The following APBB1 variants were observed in gnomAD, a reference collection of about 807,000 sequenced individuals.
APBB1 encodes adaptor protein FE65a2.
In APBB1, 22 loss-of-function variants were observed where a neutral mutation model predicts 78.4. The observed-to-expected ratio is 0.28, with a 90% confidence interval of 0.20 to 0.40. The LOEUF (loss-of-function observed/expected upper bound fraction) is 0.40, where lower values mean the gene tolerates loss of function less well. Ranked by LOEUF, APBB1 falls within the 10% of genes least tolerant of loss-of-function variation. The pLI, the probability that APBB1 is intolerant of heterozygous loss-of-function variation, is 1.00. For synonymous variants in APBB1, 369 were observed against 372.7 expected, an observed-to-expected ratio of 0.99 and a Z score of 0.12; for missense variants, 749 against 932.4, an observed-to-expected ratio of 0.80 and a Z score of 2.56.
At chr11:6,417,362 G>A (rs1322955295) in intron 1 of APBB1, among the ~76,000 whole-genome samples, 4 of 151,940 alleles carry the variant, frequency 2.6e-5, no homozygotes, top group South Asian at 2.1e-4. Flanking sequence ...GCTCTTGTGC[G>A]TTCTCAAGGC....
intron 1 of APBB1, among the ~76,000 whole-genome samples, chr11:6,417,444 G>T (rs1849147753): frequency 1.3e-5 from 2 of 152,120 alleles, no homozygotes; most frequent in African/African-American, 2.4e-5. Flanking sequence ...CTCCTAGATT[G>T]TCAGCTCCAA....
At chr11:6,402,973 T>C (rs555990888) in intron 6 of APBB1, among the ~76,000 whole-genome samples, 172 bp downstream of exon 6, 1 of 151,994 alleles carries the variant, frequency 6.6e-6, no homozygotes, top group African/African-American at 2.4e-5. Flanking sequence ...GGCTGGTTGA[T>C]TTAAAAACTG....
At chr11:6,413,193 C>T (rs1054016031) in intron 1 of APBB1, among the ~76,000 whole-genome samples, 5 of 152,086 alleles carry the variant, frequency 3.3e-5, no homozygotes, top group Non-Finnish European at 7.4e-5. Context: ...CCATGCAAGC[C>T]CTCCTTCAGA....
intron 2 of APBB1, among the ~76,000 whole-genome samples, chr11:6,408,286 T>C (rs1360695963): frequency 1.3e-5 from 2 of 152,022 alleles, no homozygotes; most frequent in Non-Finnish European, 2.9e-5. Flanking sequence ...GATTCTCCAG[T>C]TAAAAAACAA....
Position 6,403,654 on chromosome 11 carries a change from T to C in APBB1, c.890A>G (p.Glu297Gly). 6.2e-7 allele frequency: 1 copy of C among 1,609,164 alleles called. No individual in the cohort carries two copies. The highest frequency in any genetic ancestry group is 8.5e-7 in the Non-Finnish European group (1 of 1,176,938). ...SPSQGSSPQE[E>G]SQLTWTGFAH... ...CAGGCCTGTGAGCCTCACCTGGGAC[T>C]CCTCTTGGGGGCTGCTCCCCTGTGA... The change falls in exon 3 of 15, where the codon GAG (glutamate) becomes GGG (glycine). Residue 297 changes from glutamate to glycine, a missense_variant. Transcript: ENST00000609360. This position sits in a 1 kb window ranked among gnomAD's most constrained non-coding sequence, Gnocchi z 5.3.
intron 2 of APBB1, chr11:6,404,465 A>C: frequency 2.1e-6 from 2 of 954,940 alleles, no homozygotes; most frequent in Non-Finnish European, 3.1e-6. Context: ...ACGTGTGGGT[A>C]CCACACACAC....
At chr11:6,397,229 C>T (rs1848277571) in intron 12 of APBB1, among the ~76,000 whole-genome samples, 1 of 152,244 alleles carries the variant, frequency 6.6e-6, no homozygotes, top group Admixed American at 6.5e-5. Flanking sequence ...TTTAGTGGCT[C>T]TCAGCTCCCA....
Position 6,395,507 on chromosome 11 carries a change from G to A in APBB1, c.*27C>T. ...TTTAGTTCCCTGGGGCCCAACACAA[G>A]CAGGTGGAGGGAAGGTGGGGGCTTC... On this transcript the variant is annotated 3_prime_UTR_variant, in exon 15 of 15. Transcript: ENST00000609360. This position sits in a 1 kb window ranked among gnomAD's most constrained non-coding sequence, Gnocchi z 5.2. 6.6e-7 allele frequency: 1 copy of A among 1,517,010 alleles called. No individual in the cohort carries two copies. Among genetic ancestry groups the A allele is most frequent in the Non-Finnish European group, 8.8e-7 (1 of 1,133,364 alleles). The allele number at this position is 1,517,010 out of a possible 1,614,324, so 94.0% of individuals were successfully genotyped here. A position where few individuals can be genotyped will look rare whatever the true frequency, so the allele number is the denominator to read the frequency against.
chr11:6,397,787 A>G (rs774636220), intron 12 of APBB1, among the ~76,000 whole-genome samples: 9 of 152,194 alleles, frequency 5.9e-5, no homozygotes, highest in East Asian at 1.9e-4. Flanking sequence ...TCTGTCCCCA[A>G]TTCTAACACA....
rs1848937124 is a variant in APBB1, at chr11:6,410,745, T to C, written c.603A>G (p.Glu201=). ...RPQALTDGPR[E]HSKSASLLFG... is the part of the protein sequence containing the mutation. The stretch of plus-strand genomic sequence containing the variant: ...ACAGGAGGCTGGCACTCTTGCTGTG[T>C]TCCCGGGGGCCATCTGTAAGGGCTT... Residue 201 remains glutamate (E), a synonymous_variant, in exon 2 of 15, where the codon GAA becomes GAG. Coordinates refer to ENST00000609360, the MANE Select transcript of APBB1 (RefSeq NM_001164.5). The C allele has an allele frequency of 1.3e-6, 2 of 1,576,016 alleles. No individual in the cohort carries two copies. Among genetic ancestry groups the C allele is most frequent in the Non-Finnish European group, 1.7e-6 (2 of 1,160,806 alleles).
At chr11:6,408,074 C>T (rs1009853738) in intron 2 of APBB1, among the ~76,000 whole-genome samples, 3 of 152,196 alleles carry the variant, frequency 2.0e-5, no homozygotes, top group African/African-American at 4.8e-5. Flanking sequence ...CCACCGCGCC[C>T]GGCCTAGTAG....
chr11:6,408,562 T>C (rs1848880351), intron 2 of APBB1, among the ~76,000 whole-genome samples: 1 of 151,466 alleles, frequency 6.6e-6, no homozygotes, highest in Non-Finnish European at 1.5e-5. Flanking sequence ...TGGAGTACAA[T>C]GGCTCTATCT....
chr11:6,402,495 G>A, intron 7 of APBB1, 81 bp downstream of exon 7: 1 of 1,441,778 alleles, frequency 6.9e-7, no homozygotes, highest in Non-Finnish European at 9.7e-7. Context: ...GCCTGCTTGT[G>A]GGCAGGTCAG....
rs773975178 is a variant in APBB1, at chr11:6,402,110, C to T, written c.1354G>A (p.Val452Met). The change falls in exon 8 of 15, where the codon GTG becomes ATG. Residue 452 changes from valine to methionine, a missense_variant. Coordinates refer to ENST00000609360, the MANE Select transcript of APBB1 (RefSeq NM_001164.5). ...CCACTGTCCCGCCCGACGCCCCACA[C>T]GCGGATGCTGATGATGGGTTGGGCG... is the stretch of plus-strand genomic sequence containing the variant. ...LHAQPIISIR[V>M]WGVGRDSGRE... 5.0e-6 allele frequency: 8 copies of T among 1,614,148 alleles called. No individual in the cohort carries two copies. The highest frequency in any genetic ancestry group is 2.2e-5 in the East Asian group (1 of 44,888).
Position 6,395,714 on chromosome 11 carries a change from G to T in APBB1, c.1966-13C>A. The T allele has an allele frequency of 6.3e-7, 1 of 1,590,580 alleles. No individual in the cohort carries two copies. Reference sequence around the variant, plus strand: ...TCTGGTAGCGAAGCTGCGGAGGCAAGCAGGGCAGTCACTCCCCAGCCTACC... The same window carrying T: ...TCTGGTAGCGAAGCTGCGGAGGCAATCAGGGCAGTCACTCCCCAGCCTACC... On this transcript the variant is annotated splice_polypyrimidine_tract_variant and intron_variant, in intron 14 of 14. Coordinates refer to ENST00000609360, the MANE Select transcript of APBB1 (RefSeq NM_001164.5). This position sits in a 1 kb window ranked among gnomAD's most constrained non-coding sequence, Gnocchi z 5.2.
chr11:6,401,831 G>A lies in APBB1; in HGVS notation c.1389-143C>T, dbSNP rs555746087. 8 of 1,407,330 alleles carry A rather than the reference G, an allele frequency of 5.7e-6. No individual in the cohort carries two copies. The highest frequency in any genetic ancestry group is 6.9e-6 in the Non-Finnish European group (7 of 1,014,356). The allele number at this position is 1,407,330 out of a possible 1,614,324, so 87.2% of individuals were successfully genotyped here. On this transcript the variant is annotated intron_variant, in intron 9 of 14. Transcript: ENST00000609360. This position sits in a 1 kb window ranked among gnomAD's most constrained non-coding sequence, Gnocchi z 4.5. ...GGTCCCCCATAGGTGCTGCCTTCTT[G>A]GGGGGGAGGGGTAGACAGGCAAGCA...
chr11:6,404,083 G>A (rs1461938552), intron 2 of APBB1: 2 of 426,126 alleles, frequency 4.7e-6, no homozygotes, highest in Admixed American at 3.9e-5. Flanking sequence ...AAGGCAGGGA[G>A]GGAAGAAGGA....
chr11:6,400,841 G>A, intron 12 of APBB1, 148 bp downstream of exon 12: 1 of 782,228 alleles, frequency 1.3e-6, no homozygotes. Context: ...AGCTAGGACA[G>A]AAGTATGGGG....
rs902373846 is a variant in APBB1, at chr11:6,404,715, CAT to C, written c.722-895_722-894del. On this transcript the variant is annotated intron_variant, in intron 2 of 14. Transcript: ENST00000609360. Reference sequence around the variant, plus strand: ...TTCTCTCCCTGTCAGCCCCACCCCACATGAGGCCCAACCTCATGCTGCCCCTC... The same window carrying C: ...TTCTCTCCCTGTCAGCCCCACCCCACGAGGCCCAACCTCATGCTGCCCCTC... 4.9e-5 allele frequency: 75 copies of C among 1,536,194 alleles called. No individual in the cohort carries two copies. The African/African-American group carries it at 7.8e-4, about 16-fold the overall frequency.
Sources: gnomAD v4.1 joint callset for allele counts (sites outside exome capture counted in the v4.1 genomes callset) on GRCh38, gnomAD v4.1.1 for gene constraint, Gnocchi (gnomAD v3.1) non-coding constraint, MANE v1.5 for transcripts, NCBI Gene and HGNC (gene_info 2026-07-23, HGNC 2026-07-21) for gene names.